DYM: variants seen among roughly 807,000 people sequenced by gnomAD.
DYM encodes the protein dyggve-Melchior-Clausen syndrome protein.
In DYM, 78 loss-of-function variants were observed where a neutral mutation model predicts 93.1. That is an observed-to-expected ratio of 0.84 (90% confidence interval 0.70 to 1.01). The LOEUF (loss-of-function observed/expected upper bound fraction) is 1.01. Ranked by LOEUF, DYM falls within the 50% of genes least tolerant of loss-of-function variation. The probability of loss-of-function intolerance (pLI) is 0.00; values close to 1 mark genes in which losing one functional copy is unlikely to be tolerated. For synonymous variants in DYM, 321 were observed against 319.7 expected (o/e 1.00, Z -0.04); for missense variants, 789 against 845.0 (o/e 0.93, Z 0.82).
At chr18:49,436,809 CA>C (rs2080898863) in intron 1 of DYM, among the ~76,000 whole-genome samples, 1 of 152,132 alleles carries the variant, frequency 6.6e-6, no homozygotes, top group Admixed American at 6.5e-5. Context: ...TTAAAATTAA[CA>C]GGAAAAAAAT....
At chr18:49,185,066 T>C (rs971178465) in intron 14 of DYM, among the ~76,000 whole-genome samples, 5 of 152,140 alleles carry the variant, frequency 3.3e-5, no homozygotes, top group Admixed American at 1.3e-4. Flanking sequence ...TTGTGCACAA[T>C]CTTGAGAAAG....
intron 8 of DYM, chr18:49,321,473 A>G (rs2062476570): frequency 2.5e-6 from 1 of 396,176 alleles, no homozygotes; most frequent in African/African-American, 2.1e-5. Flanking sequence ...AAATTACAAG[A>G]AAAAAAGATA....
chr18:49,176,685 G>A (rs1341003539), intron 14 of DYM, among the ~76,000 whole-genome samples: 7 of 151,344 alleles, frequency 4.6e-5, no homozygotes, highest in Non-Finnish European at 8.8e-5. Flanking sequence ...AAAGTGCTGG[G>A]ATTATAGGTG....
chr18:49,398,529 G>C (rs2148005173), intron 2 of DYM, among the ~76,000 whole-genome samples: 1 of 152,326 alleles, frequency 6.6e-6, no homozygotes, highest in South Asian at 2.1e-4. Flanking sequence ...TCTACCGACA[G>C]AGTGGCAGAG....
intron 6 of DYM, among the ~76,000 whole-genome samples, chr18:49,356,530 T>C (rs2065581542): frequency 6.6e-6 from 1 of 152,148 alleles, no homozygotes; most frequent in African/African-American, 2.4e-5. Flanking sequence ...CCCTCACTCC[T>C]CCACCCACCT....
intron 11 of DYM, among the ~76,000 whole-genome samples, chr18:49,262,206 A>T (rs1206470672): frequency 6.6e-6 from 1 of 152,182 alleles, no homozygotes; most frequent in Non-Finnish European, 1.5e-5. Context: ...ACAGTAGCAG[A>T]GACTGGAGTG....
intron 17 of DYM, among the ~76,000 whole-genome samples, chr18:49,066,104 T>G (rs180760925): frequency 8.6e-5 from 13 of 150,888 alleles, no homozygotes; most frequent in African/African-American, 3.2e-4. Context: ...ACTAAATAGG[T>G]TGGTGCAAAA....
chr18:49,426,293 A>G (rs943397175), intron 2 of DYM, among the ~76,000 whole-genome samples: 1 of 151,150 alleles, frequency 6.6e-6, no homozygotes, highest in African/African-American at 2.4e-5. Context: ...AACCATCGCA[A>G]GGACAGAAAA....
At chr18:49,207,170 A>G (rs1338232279) in intron 14 of DYM, among the ~76,000 whole-genome samples, 5 of 152,158 alleles carry the variant, frequency 3.3e-5, no homozygotes, top group African/African-American at 1.2e-4. Context: ...TCCAGGAGAA[A>G]AAAGACAGGG....
chr18:49,183,620 T>G (rs1363537349), intron 14 of DYM, among the ~76,000 whole-genome samples: 1 of 152,194 alleles, frequency 6.6e-6, no homozygotes, highest in Non-Finnish European at 1.5e-5. Context: ...GAGCCTGGGA[T>G]AGTTCACTTC....
chr18:49,085,279 T>C (rs1180496357), intron 17 of DYM, among the ~76,000 whole-genome samples: 2 of 152,226 alleles, frequency 1.3e-5, no homozygotes, highest in Non-Finnish European at 2.9e-5. Flanking sequence ...ACTTATCTAA[T>C]GCTAAAGAAA....
At chr18:49,384,775 T>C (rs2068425369) in intron 3 of DYM, among the ~76,000 whole-genome samples, 1 of 150,954 alleles carries the variant, frequency 6.6e-6, no homozygotes, top group Non-Finnish European at 1.5e-5. Flanking sequence ...AACATTGAAA[T>C]CAATCATACA....
intron 1 of DYM, among the ~76,000 whole-genome samples, chr18:49,450,379 A>T (rs2082423584): frequency 6.6e-6 from 1 of 152,240 alleles, no homozygotes; most frequent in Non-Finnish European, 1.5e-5. Context: ...ATACAAGGGT[A>T]AAATTTGGCT....
chr18:49,076,515 C>T (rs769514768), intron 17 of DYM, among the ~76,000 whole-genome samples: 3 of 152,264 alleles, frequency 2.0e-5, no homozygotes, highest in South Asian at 2.1e-4. Flanking sequence ...AAAGAGTTAT[C>T]ATGTAAAATG....
At chr18:49,323,280 T>G (rs1258161557) in intron 8 of DYM, among the ~76,000 whole-genome samples, 1 of 152,166 alleles carries the variant, frequency 6.6e-6, no homozygotes, top group Non-Finnish European at 1.5e-5. Context: ...CCAACACCAC[T>G]AAGCAGAGCT....
chr18:49,333,848 A>T lies in DYM; in HGVS notation c.500T>A (p.Ile167Asn), dbSNP rs75854087. 6.4e-4 allele frequency: 1,025 copies of T among 1,609,298 alleles called. 5 individuals carry two copies. The African/African-American group carries it at 0.01, about 16-fold the overall frequency. Reference sequence around the variant, plus strand: ...AGCTTCTACTGATATTTCATATGTAATATCTCTAAAATGGAAGAAAAACAG... The same window carrying T: ...AGCTTCTACTGATATTTCATATGTATTATCTCTAAAATGGAAGAAAAACAG... ...QLITDIPLLD[I>N]TYEISVEAIS... Residue 167 changes from isoleucine to asparagine, a missense_variant, in exon 7 of 18, where the codon ATT (isoleucine) becomes AAT (asparagine). This residue lies in a region of DYM where 450 missense variants were observed against 436.2 expected (regional missense o/e 1.03). Coordinates refer to ENST00000675505, the MANE Select transcript of DYM (RefSeq NM_001353214.3).
At chr18:49,209,089 A>C (rs2092663026) in intron 14 of DYM, among the ~76,000 whole-genome samples, 1 of 152,214 alleles carries the variant, frequency 6.6e-6, no homozygotes, top group Admixed American at 6.5e-5. Context: ...CCAATAGTAT[A>C]ATTTCTGCCT....
At chr18:49,169,449 T>A (rs2088365255) in intron 14 of DYM, among the ~76,000 whole-genome samples, 2 of 152,172 alleles carry the variant, frequency 1.3e-5, no homozygotes, top group Admixed American at 1.3e-4. Context: ...GCAATGAGGC[T>A]GGGTAGCAGT....
chr18:49,075,630 A>G (rs2077238814), intron 17 of DYM, among the ~76,000 whole-genome samples: 1 of 152,188 alleles, frequency 6.6e-6, no homozygotes, highest in Admixed American at 6.5e-5. Context: ...CTATAGACAC[A>G]TAGTCCCATC....
Sources: gnomAD v4.1 joint callset for allele counts (sites outside exome capture counted in the v4.1 genomes callset) on GRCh38, gnomAD v4.1.1 for gene constraint, gnomAD v4.1.1 regional missense constraint, MANE v1.5 for transcripts, NCBI Gene and HGNC (gene_info 2026-07-23, HGNC 2026-07-21) for gene names.